The following PTPRB variants were observed in gnomAD, a reference collection of about 807,000 sequenced individuals.
The protein encoded by PTPRB is protein tyrosine phosphatase receptor type B, also known as receptor-type tyrosine-protein phosphatase beta.
PTPRB carries 97 observed loss-of-function variants against 238.1 expected under a neutral mutation model. The ratio of observed to expected loss-of-function variants is 0.41; its 90% CI spans 0.35 to 0.48. PTPRB has a LOEUF of 0.48. Among genes scored for constraint, PTPRB ranks in the 20% least tolerant of loss-of-function variants. The pLI, the probability that PTPRB is intolerant of heterozygous loss-of-function variation, is 0.30. For missense variants in PTPRB, 2,292 were observed against 2,681.9 expected (o/e 0.85, Z 3.21); for synonymous variants, 970 against 995.4 (o/e 0.97, Z 0.48).
intron 2 of PTPRB, among the ~76,000 whole-genome samples, chr12:70,629,828 A>G (rs1009087356): frequency 1.3e-5 from 2 of 152,260 alleles, no homozygotes; most frequent in Middle Eastern, 3.2e-3. Flanking sequence ...CTCTATGCAA[A>G]TAAAACAGAA....
chr12:70,557,796 T>C (rs1416848787), intron 18 of PTPRB, among the ~76,000 whole-genome samples: 1 of 152,224 alleles, frequency 6.6e-6, no homozygotes, highest in East Asian at 1.9e-4. Flanking sequence ...ATGTATGCTC[T>C]TTTGTTCTGC....
At position 70,566,605 on chromosome 12, in the gene PTPRB, T is replaced by G; in HGVS notation, c.3734A>C (p.Asp1245Ala). 5.0e-6 allele frequency: 8 copies of G among 1,614,012 alleles called. No individual in the cohort carries two copies. The highest frequency in any genetic ancestry group is 6.8e-6 in the Non-Finnish European group (8 of 1,179,908). ...QKAAGVAERY[D>A]ILLLTENGIL... ...TCCATTTTCAGTTAGAAGCAGGATA[T>G]CATATCTTTCTGCCACACCAGCAGC... The change falls in exon 15 of 34, where the codon GAT becomes GCT. Residue 1245 changes from aspartate to alanine, a missense_variant. Around this residue, in one of 4 missense-constraint regions of PTPRB, gnomAD observed 683 missense variants for 862.0 expected, o/e 0.79. Transcript: ENST00000334414.
chr12:70,574,999 C>T (rs537701609), intron 11 of PTPRB, among the ~76,000 whole-genome samples: 55 of 152,252 alleles, frequency 3.6e-4, no homozygotes, highest in African/African-American at 1.3e-3. Context: ...TTTTTAGGCT[C>T]CAAGTTGATC....
At chr12:70,552,641 A>G in intron 21 of PTPRB, 136 bp downstream of exon 21, 1 of 1,140,456 alleles carries the variant, frequency 8.8e-7, no homozygotes, top group East Asian at 2.5e-5. Flanking sequence ...TTTATAAATT[A>G]CCCAGTAAAA....
At chr12:70,553,113 TC>T in intron 20 of PTPRB, 93 bp from the exon 21 acceptor site, 2 of 1,401,520 alleles carry the variant, frequency 1.4e-6, no homozygotes, top group Admixed American at 4.3e-5. Flanking sequence ...TGCCTCCACA[TC>T]CACTATCTCT....
chr12:70,533,114 C>T lies in PTPRB; in HGVS notation c.6369-944G>A, dbSNP rs1207703599. Among the ~76,000 whole-genome samples, 5 of 152,176 alleles carry T rather than the reference C, an allele frequency of 3.3e-5. No individual in the cohort carries two copies. In the East Asian group the frequency reaches 9.6e-4, roughly 29 times the overall value. The stretch of plus-strand genomic sequence containing the variant: ...GCAGAACTCTTGGGTTGGTCATGGG[C>T]ATGAACACCTTCAGCTGCACTAGGG... On this transcript the variant is annotated intron_variant, in intron 31 of 33. Transcript: ENST00000334414.
In PTPRB at chr12:70,571,129, G is replaced by C; in HGVS notation, c.3267C>G (p.Thr1089=). 1 of 1,613,900 alleles carries C rather than the reference G, an allele frequency of 6.2e-7. No homozygotes were observed. Among genetic ancestry groups the C allele is most frequent in the African/African-American group, 1.3e-5 (1 of 75,014 alleles). ...FPPFHLVNTA[T]EYRFTSLTPG... ...GTGTTAGGGAAGTAAATCGATACTC[G>C]GTTGCGGTATTTACAAGGTGAAAAG... Residue 1089 remains threonine (T), a synonymous_variant, in exon 13 of 34, where the codon ACC becomes ACG. Coordinates refer to ENST00000334414, the MANE Select transcript of PTPRB (RefSeq NM_001109754.4).
chr12:70,552,985 G>A lies in PTPRB; in HGVS notation c.5179C>T (p.Leu1727Phe), dbSNP rs779284154. ...TGCCTGTACTCCAGGTAGGAAGGGAGAGGGTGCTGCTGTTCTGGCTTCAGC... is the reference window on the plus strand; with the variant it reads ...TGCCTGTACTCCAGGTAGGAAGGGAAAGGGTGCTGCTGTTCTGGCTTCAGC... ...DELKPEQQHP[L>F]PSYLEYRHNA... is the part of the protein sequence containing the mutation. Residue 1727 changes from leucine to phenylalanine, a missense_variant, in exon 21 of 34, where the codon CTC (leucine) becomes TTC (phenylalanine). Physicochemically the swap from Leu to Phe is conservative, Grantham distance 22 (BLOSUM62 0). This residue lies in a region of PTPRB where 683 missense variants were observed against 862.0 expected (regional missense o/e 0.79). Transcript: ENST00000334414. 2 of 1,613,780 alleles carry A rather than the reference G, an allele frequency of 1.2e-6. No homozygotes were observed. Among genetic ancestry groups the A allele is most frequent in the African/African-American group, 1.3e-5 (1 of 75,054 alleles).
chr12:70,613,048 A>G (rs1424579807), intron 3 of PTPRB, among the ~76,000 whole-genome samples: 1 of 152,190 alleles, frequency 6.6e-6, no homozygotes, highest in African/African-American at 2.4e-5. Context: ...CATTATGAAC[A>G]TAGATGTTGA....
chr12:70,605,816 C>T (rs147673356), intron 4 of PTPRB, among the ~76,000 whole-genome samples: 1 of 152,264 alleles, frequency 6.6e-6, no homozygotes, highest in Non-Finnish European at 1.5e-5. Flanking sequence ...ATTATTTAGA[C>T]ACCTAGCTAT....
intron 4 of PTPRB, among the ~76,000 whole-genome samples, chr12:70,598,697 G>C (rs1883233556): frequency 6.6e-6 from 1 of 152,166 alleles, no homozygotes. Context: ...ACAAGGATGA[G>C]AGGGACAGCT....
At chr12:70,546,871 A>G (rs1209864150) in intron 21 of PTPRB, among the ~76,000 whole-genome samples, 1 of 152,076 alleles carries the variant, frequency 6.6e-6, no homozygotes, top group Non-Finnish European at 1.5e-5. Flanking sequence ...TAAGTTAAAG[A>G]TTGGCTTGGG....
chr12:70,551,823 C>T (rs1876926017), intron 21 of PTPRB, among the ~76,000 whole-genome samples: 1 of 152,082 alleles, frequency 6.6e-6, no homozygotes, highest in Admixed American at 6.6e-5. Flanking sequence ...TCTGCTTGTA[C>T]CTGCTTTCTG....
At chr12:70,626,583 A>G (rs1327495275) in intron 2 of PTPRB, among the ~76,000 whole-genome samples, 2 of 152,062 alleles carry the variant, frequency 1.3e-5, no homozygotes, top group African/African-American at 4.8e-5. Flanking sequence ...TACAACAACT[A>G]TTTATATTTA....
chr12:70,550,470 G>GA (rs998505111), intron 21 of PTPRB, among the ~76,000 whole-genome samples: 2 of 151,916 alleles, frequency 1.3e-5, no homozygotes, highest in African/African-American at 4.8e-5. Flanking sequence ...GAACTATGGG[G>GA]AAACCTTAAT....
At chr12:70,548,378 A>ACG (rs1876390375) in intron 21 of PTPRB, among the ~76,000 whole-genome samples, 1 of 146,814 alleles carries the variant, frequency 6.8e-6, no homozygotes, top group Non-Finnish European at 1.5e-5. Flanking sequence ...ACACACACAC[A>ACG]CACACACGCC....
Position 70,520,342 on chromosome 12 carries a change from G to GTGAT in PTPRB, c.*1143_*1146dup, listed in dbSNP as rs1871530437. ...CTTTTGTTATTAAATGCAACTTTGG[G>GTGAT]TGATTACTTGACATTTTGACTTCAT... On this transcript the variant is annotated 3_prime_UTR_variant, in exon 34 of 34. Coordinates refer to ENST00000334414, the MANE Select transcript of PTPRB (RefSeq NM_001109754.4). 2 of 276,432 alleles carry GTGAT rather than the reference G, an allele frequency of 7.2e-6. No individual in the cohort carries two copies. Among genetic ancestry groups the GTGAT allele is most frequent in the Non-Finnish European group, 1.5e-5 (2 of 134,740 alleles). The allele number at this position is 276,432 out of a possible 1,614,324, so 17.1% of individuals were successfully genotyped here. A position where few individuals can be genotyped will look rare whatever the true frequency, so the allele number is the denominator to read the frequency against.
chr12:70,586,019 T>C (rs1204462126), intron 9 of PTPRB, among the ~76,000 whole-genome samples: 1 of 152,228 alleles, frequency 6.6e-6, no homozygotes, highest in East Asian at 1.9e-4. Context: ...GTGTAATATG[T>C]GCCACATTTT....
chr12:70,590,777 C>T (rs1052912913), intron 7 of PTPRB, among the ~76,000 whole-genome samples: 1 of 151,696 alleles, frequency 6.6e-6, no homozygotes, highest in Non-Finnish European at 1.5e-5. Flanking sequence ...AGCTGGCTTC[C>T]GGTTGTATGT....
Sources: allele counts gnomAD v4.1 joint callset (sites outside exome capture counted in the v4.1 genomes callset), GRCh38; gene constraint gnomAD v4.1.1; regional missense constraint gnomAD v4.1.1; transcripts MANE v1.5; gene names NCBI Gene and HGNC (gene_info 2026-07-23, HGNC 2026-07-21).